GTF3C4: variants seen among roughly 807,000 people sequenced by gnomAD.
The protein encoded by GTF3C4 is general transcription factor 3C polypeptide 4.
Under a neutral mutation model 67.5 loss-of-function variants are expected in GTF3C4, and 28 were observed. That is an observed-to-expected ratio of 0.41 (90% CI 0.31 to 0.57). The LOEUF is 0.57. Among genes scored for constraint, GTF3C4 ranks in the 20% least tolerant of loss-of-function variants. The probability of loss-of-function intolerance (pLI) is 0.21; values close to 1 mark genes in which losing one functional copy is unlikely to be tolerated. For missense variants in GTF3C4, 831 were observed against 1,033.2 expected, an observed-to-expected ratio of 0.80 and a Z score of 2.68; for synonymous variants, 409 against 393.0, an observed-to-expected ratio of 1.04 and a Z score of -0.48.
intron 1 of GTF3C4, among the ~76,000 whole-genome samples, chr9:132,674,711 T>G (rs1208912952): frequency 6.6e-6 from 1 of 152,242 alleles, no homozygotes; most frequent in Non-Finnish European, 1.5e-5. Context: ...TTTGCATACT[T>G]TTATTAGCAT....
chr9:132,673,584 G>A (rs1335729403), intron 1 of GTF3C4, among the ~76,000 whole-genome samples: 1 of 152,184 alleles, frequency 6.6e-6, no homozygotes, highest in Admixed American at 6.5e-5. Context: ...TCAGCACTTT[G>A]ATGACTCCAC....
rs1284532197 is a variant in GTF3C4, at chr9:132,678,935, A to G, written c.1316A>G (p.Tyr439Cys). The G allele has an allele frequency of 1.9e-6, 3 of 1,614,216 alleles. No homozygotes were observed. Among genetic ancestry groups the G allele is most frequent in the Non-Finnish European group, 1.7e-6 (2 of 1,180,026 alleles). The change falls in exon 2 of 5, where the codon TAT (tyrosine) becomes TGT (cysteine). Residue 439 changes from tyrosine to cysteine, a missense_variant. By Grantham distance (194) the Tyr-to-Cys change is radical. Around this residue, in one of 4 missense-constraint regions of GTF3C4, gnomAD observed 390 missense variants for 540.3 expected, o/e 0.72. Transcript: ENST00000372146. The surrounding 1 kb of genome is among the most constrained non-coding windows in gnomAD (Gnocchi z 6.5). ...MTADKQNGTV[Y>C]TCSSDGKVRQ... ...GCAGACAAACAGAATGGAACAGTCT[A>G]TACTTGCTCCAGTGACGGAAAGGTG...
chr9:132,684,122 C>T (rs34866403), intron 3 of GTF3C4, among the ~76,000 whole-genome samples: 97 of 152,260 alleles, frequency 6.4e-4, no homozygotes, highest in Non-Finnish European at 1.2e-3. Context: ...TCTTCATTCT[C>T]AGTTGTCTTT....
At position 132,670,965 on chromosome 9, in the gene GTF3C4, C is replaced by A. The variant is rs1314630558; in HGVS notation, c.357+10C>A. On this transcript the variant is annotated intron_variant, in intron 1 of 4. Coordinates refer to ENST00000372146, the MANE Select transcript of GTF3C4 (RefSeq NM_012204.4). ...CAGCTGTCTCCTCAAAGTAAGTCAT[C>A]CCCCGCCATCCCTGGGGTCTTCCCC... 3 of 1,569,718 alleles carry A rather than the reference C, an allele frequency of 1.9e-6. No homozygotes were observed. Among genetic ancestry groups the A allele is most frequent in the East Asian group, 2.2e-5 (1 of 44,570 alleles).
In GTF3C4 at chr9:132,681,240, G is replaced by A. The variant is rs1835939700; in HGVS notation, c.2184+1437G>A. On this transcript the variant is annotated intron_variant, in intron 2 of 4. Transcript: ENST00000372146. ...AAAATTAGCAAAAACATGTTAGAAA[G>A]TACTAGAGGTTGGATTTGTAATGAT... Among the ~76,000 whole-genome samples, 3 of 152,302 alleles carry A rather than the reference G, an allele frequency of 2.0e-5. No individual in the cohort carries two copies. The South Asian group carries it at 6.2e-4, about 32-fold the overall frequency.
In GTF3C4 at chr9:132,694,177, G is replaced by T. The variant is rs1351236857; in HGVS notation, c.*5232G>T. 5.9e-5 allele frequency: 9 copies of T among 152,084 alleles called. No homozygotes were observed. 9.4% of individuals were successfully genotyped at this position (152,084 alleles called of 1,614,324 possible). A position where few individuals can be genotyped will look rare whatever the true frequency, so the allele number is the denominator to read the frequency against. On this transcript the variant is annotated 3_prime_UTR_variant, in exon 5 of 5. Coordinates refer to ENST00000372146, the MANE Select transcript of GTF3C4 (RefSeq NM_012204.4). ...AATACCCCCCAATCCAGAAAAGTTG[G>T]TGACTTCTCTCCATTGTATATATGT...
intron 3 of GTF3C4, among the ~76,000 whole-genome samples, chr9:132,685,344 C>G (rs1312686894): frequency 1.3e-5 from 2 of 152,048 alleles, no homozygotes; most frequent in Non-Finnish European, 2.9e-5. Flanking sequence ...GATTGTGCTA[C>G]ACGTACCATA....
chr9:132,683,603 CT>C lies in GTF3C4; in HGVS notation c.2228del (p.Phe743SerfsTer33). The stretch of plus-strand genomic sequence containing the variant: ...ATCTCAAAGAAGATGAACAAACAGA[CT>C]TTCCCTGAGCACTGTAGTTTGTGTA... ...GHISKKMNKQ[T>X]FPEHCSLCKE... On this transcript the variant is annotated frameshift_variant, in exon 3 of 5. Transcript: ENST00000372146. LOFTEE classifies it high-confidence loss of function. 1 of 1,612,892 alleles carries C rather than the reference CT, an allele frequency of 6.2e-7. No homozygotes were observed. Among genetic ancestry groups the C allele is most frequent in the Non-Finnish European group, 8.5e-7 (1 of 1,179,546 alleles).
chr9:132,678,257 G>A lies in GTF3C4; in HGVS notation c.638G>A (p.Gly213Glu). Residue 213 changes from glycine to glutamate, a missense_variant, in exon 2 of 5, where the codon GGA (glycine) becomes GAA (glutamate). By Grantham distance (98) the Gly-to-Glu change is moderately conservative (BLOSUM62 -2). This residue lies in a region of GTF3C4 where 390 missense variants were observed against 540.3 expected (regional missense o/e 0.72). Transcript: ENST00000372146. This position sits in a 1 kb window ranked among gnomAD's most constrained non-coding sequence, Gnocchi z 6.5. ...VQLVDLTEIY[G>E]ERLYETSYRL... ...CTGGTTGACCTGACTGAGATCTATGGAGAACGTCTTTATGAGACCAGTTAC... is the reference window on the plus strand; with the variant it reads ...CTGGTTGACCTGACTGAGATCTATGAAGAACGTCTTTATGAGACCAGTTAC... The A allele has an allele frequency of 6.2e-7, 1 of 1,614,198 alleles. No homozygotes were observed. The highest frequency in any genetic ancestry group is 8.5e-7 in the Non-Finnish European group (1 of 1,180,036).
At position 132,670,653 on chromosome 9, in the gene GTF3C4, T is replaced by C; in HGVS notation, c.55T>C (p.Ser19Pro). 1.3e-6 allele frequency: 2 copies of C among 1,483,412 alleles called. No individual in the cohort carries two copies. The highest frequency in any genetic ancestry group is 2.7e-5 in the South Asian group (2 of 74,368). 91.9% of individuals were successfully genotyped at this position (1,483,412 alleles called of 1,614,324 possible). The change falls in exon 1 of 5, where the codon TCT becomes CCT. Residue 19 changes from serine (S) to proline (P), a missense_variant. Ser to Pro is a moderately conservative substitution (Grantham distance 74). Transcript: ENST00000372146. Reference sequence around the variant, plus strand: ...GCCCGCGGACGACGGGCCTGCGCCGTCTGGGGAGGAGGAGGGAGAGGGGGG... The same window carrying C: ...GCCCGCGGACGACGGGCCTGCGCCGCCTGGGGAGGAGGAGGGAGAGGGGGG... ...VGPADDGPAP[S>P]GEEEGEGGGE... is the part of the protein sequence containing the mutation.
intron 1 of GTF3C4, among the ~76,000 whole-genome samples, chr9:132,671,481 C>A (rs1280641124): frequency 6.6e-6 from 1 of 152,118 alleles, no homozygotes; most frequent in East Asian, 1.9e-4. Flanking sequence ...TATGAATGGT[C>A]CTCGCCTCTC....
intron 2 of GTF3C4, among the ~76,000 whole-genome samples, chr9:132,682,373 A>G (rs1197878013): frequency 6.6e-6 from 1 of 152,108 alleles, no homozygotes; most frequent in African/African-American, 2.4e-5. Flanking sequence ...AACGTAAGTG[A>G]ACTAATTTTA....
chr9:132,672,301 C>G (rs1049462091), intron 1 of GTF3C4, among the ~76,000 whole-genome samples: 1 of 152,168 alleles, frequency 6.6e-6, no homozygotes. Flanking sequence ...GTATAGTAGA[C>G]ATCGAATACC....
At position 132,679,029 on chromosome 9, in the gene GTF3C4, T is replaced by C. The variant is rs1460115750; in HGVS notation, c.1410T>C (p.Asp470=). ...AACACCAGTTGATTAAACTCTCAGATGTGTTTGGCTCAGTGAGGACTCACG... is the reference window on the plus strand; with the variant it reads ...AACACCAGTTGATTAAACTCTCAGACGTGTTTGGCTCAGTGAGGACTCACG... The part of the protein sequence containing the change: ...KFEHQLIKLS[D]VFGSVRTHGI... The change falls in exon 2 of 5, where the codon GAT becomes GAC. Residue 470 remains aspartate (D), a synonymous_variant. Coordinates refer to ENST00000372146, the MANE Select transcript of GTF3C4 (RefSeq NM_012204.4). This position sits in a 1 kb window ranked among gnomAD's most constrained non-coding sequence, Gnocchi z 5.9. 3 of 1,614,072 alleles carry C rather than the reference T, an allele frequency of 1.9e-6. No homozygotes were observed. The highest frequency in any genetic ancestry group is 2.5e-6 in the Non-Finnish European group (3 of 1,180,034).
rs1466328191 is a variant in GTF3C4, at chr9:132,670,981, G to A, written c.357+26G>A. ...GTAAGTCATCCCCCGCCATCCCTGG[G>A]GTCTTCCCCTGTCCCCCTCTCGCGG... On this transcript the variant is annotated intron_variant, in intron 1 of 4. Coordinates refer to ENST00000372146, the MANE Select transcript of GTF3C4 (RefSeq NM_012204.4). 2.7e-6 allele frequency: 4 copies of A among 1,495,650 alleles called. No homozygotes were observed. The East Asian group carries it at 9.1e-5, about 34-fold the overall frequency. 92.6% of individuals were successfully genotyped at this position (1,495,650 alleles called of 1,614,324 possible). A position where few individuals can be genotyped will look rare whatever the true frequency, so the allele number is the denominator to read the frequency against.
At chr9:132,681,416 T>C (rs1835942143) in intron 2 of GTF3C4, among the ~76,000 whole-genome samples, 1 of 152,242 alleles carries the variant, frequency 6.6e-6, no homozygotes, top group African/African-American at 2.4e-5. Flanking sequence ...CATTCCTGTC[T>C]TAAAAATCCA....
intron 3 of GTF3C4, among the ~76,000 whole-genome samples, chr9:132,685,317 G>A (rs765968452): frequency 8.6e-5 from 13 of 151,828 alleles, no homozygotes; most frequent in Non-Finnish European, 1.2e-4. Flanking sequence ...CACTGCACCC[G>A]GCCAAATTTT....
At chr9:132,671,075 G>A (rs1040228990) in intron 1 of GTF3C4, 120 bp downstream of exon 1, 130 of 708,590 alleles carry the variant, frequency 1.8e-4, no homozygotes, top group Admixed American at 1.1e-3. Context: ...CGCACCGAGC[G>A]CTGGGGATTT....
intron 3 of GTF3C4, among the ~76,000 whole-genome samples, chr9:132,685,887 G>A (rs1270735389): frequency 2.6e-5 from 4 of 152,196 alleles, no homozygotes; most frequent in Non-Finnish European, 5.9e-5. Flanking sequence ...TGTTAGTTAA[G>A]ATTGGGTATA....
Sources: allele counts gnomAD v4.1 joint callset (sites outside exome capture counted in the v4.1 genomes callset), GRCh38; gene constraint gnomAD v4.1.1; regional missense constraint gnomAD v4.1.1; non-coding constraint Gnocchi (gnomAD v3.1); transcripts MANE v1.5; gene names NCBI Gene and HGNC (gene_info 2026-07-23, HGNC 2026-07-21).